The following PTPRN2 variants were observed in gnomAD, a reference collection of about 807,000 sequenced individuals.
PTPRN2 encodes protein tyrosine phosphatase receptor type N2, also known as receptor-type tyrosine-protein phosphatase N2.
In PTPRN2, 74 loss-of-function variants were observed where a neutral mutation model predicts 118.8. The observed-to-expected ratio is 0.62, with a 90% CI of 0.52 to 0.76. PTPRN2 has a LOEUF of 0.76. PTPRN2 is among the 30% of genes least tolerant of loss of function. The pLI is 0.00. For synonymous variants in PTPRN2, 641 were observed against 608.0 expected (o/e 1.05, Z -0.80); for missense variants, 1,481 against 1,394.4 (o/e 1.06, Z -0.99).
chr7:158,098,924 C>A (rs1003404006), intron 10 of PTPRN2, among the ~76,000 whole-genome samples: 5 of 151,840 alleles, frequency 3.3e-5, no homozygotes, highest in African/African-American at 9.7e-5. Context: ...TTGAGGGGAG[C>A]CGGGCTTCTC....
intron 2 of PTPRN2, among the ~76,000 whole-genome samples, chr7:158,332,305 ACACC>A (rs1804636941): frequency 2.2e-5 from 1 of 44,838 alleles, no homozygotes; most frequent in Non-Finnish European, 5.7e-5. Context: ...GACGTCACTC[ACACC>A]CACACTCTCA....
At chr7:157,832,314 C>T (rs528232921) in intron 12 of PTPRN2, among the ~76,000 whole-genome samples, 1 of 152,326 alleles carries the variant, frequency 6.6e-6, no homozygotes, top group South Asian at 2.1e-4. Flanking sequence ...TGTGGCTGCG[C>T]TCACACATTG....
chr7:158,042,715 T>C (rs924096182), intron 11 of PTPRN2, among the ~76,000 whole-genome samples: 3 of 152,030 alleles, frequency 2.0e-5, no homozygotes, highest in Non-Finnish European at 4.4e-5. Context: ...ATAGACACCA[T>C]AGTGAAGAAT....
intron 21 of PTPRN2, among the ~76,000 whole-genome samples, chr7:157,563,292 A>C (rs1275404035): frequency 6.1e-5 from 7 of 114,684 alleles, no homozygotes; most frequent in South Asian, 3.3e-4. Context: ...CACCACACAC[A>C]GCAGATCAGG....
At chr7:158,080,025 T>G (rs1461641296) in intron 11 of PTPRN2, among the ~76,000 whole-genome samples, 1 of 152,058 alleles carries the variant, frequency 6.6e-6, no homozygotes, top group African/African-American at 2.4e-5. Context: ...CCACAAATTC[T>G]CAGCCCCCTA....
chr7:157,992,621 C>G (rs1804335429), intron 11 of PTPRN2, among the ~76,000 whole-genome samples: 1 of 152,224 alleles, frequency 6.6e-6, no homozygotes, highest in Admixed American at 6.5e-5. Context: ...TGGAAAACAC[C>G]AGTGCACACA....
chr7:158,108,520 GC>G (rs1815884397), intron 10 of PTPRN2, among the ~76,000 whole-genome samples: 1 of 152,122 alleles, frequency 6.6e-6, no homozygotes, highest in Admixed American at 6.5e-5. Context: ...CATGTATGGA[GC>G]CCCCTGTCCC....
At chr7:158,442,678 G>T (rs1266622969) in intron 2 of PTPRN2, among the ~76,000 whole-genome samples, 1 of 152,210 alleles carries the variant, frequency 6.6e-6, no homozygotes, top group East Asian at 1.9e-4. Context: ...GTAAGGAGGT[G>T]ATTCTGATTT....
At chr7:158,101,339 T>C (rs1262687092) in intron 10 of PTPRN2, among the ~76,000 whole-genome samples, 7 of 152,116 alleles carry the variant, frequency 4.6e-5, no homozygotes, top group Admixed American at 3.3e-4. Context: ...TAAAACTGGA[T>C]CCTCATCTCT....
rs1804098544 is a variant in PTPRN2 at position 157,787,082 on chromosome 7, CGCGGGG to C, written c.1789-104151_1789-104146del. Among the ~76,000 whole-genome samples the C allele has an allele frequency of 9.1e-6, 1 of 109,292 alleles. No homozygotes were observed. The highest frequency in any genetic ancestry group is 1.9e-5 in the Non-Finnish European group (1 of 52,902). 71.7% of individuals were successfully genotyped at this position (109,292 alleles called of 152,430 possible). On this transcript the variant is annotated intron_variant, in intron 12 of 22. Transcript: ENST00000389418. This position sits in a 1 kb window ranked among gnomAD's most constrained non-coding sequence, Gnocchi z 5.3. ...AGGCGGACGCGGGTGCGGCGGGGGA[CGCGGGG>C]GTGGCTGCCCGGGAGGCGGACGCGG...
At position 157,611,848 on chromosome 7, in the gene PTPRN2, G is replaced by T. The variant is rs1052098402; in HGVS notation, c.2345-7773C>A. ...ACAGCCGCAGTCATGCTGGGGACAC[G>T]CGGAGGGAGAGCGCCCGTGTGAAGA... is the stretch of plus-strand genomic sequence containing the variant. On this transcript the variant is annotated intron_variant, in intron 15 of 22. Transcript: ENST00000389418. The surrounding 1 kb of genome is among the most constrained non-coding windows in gnomAD (Gnocchi z 5.9). 7.0e-6 allele frequency among the ~76,000 whole-genome samples: 1 copy of T among 142,746 alleles called. No homozygotes were observed. The highest frequency in any genetic ancestry group is 2.6e-5 in the African/African-American group (1 of 38,192). 93.6% of individuals were successfully genotyped at this position (142,746 alleles called of 152,430 possible).
In PTPRN2 at chr7:158,449,770, A is replaced by G. The variant is rs555818525; in HGVS notation, c.163+39965T>C. On this transcript the variant is annotated intron_variant, in intron 2 of 22. Transcript: ENST00000389418. ...GTTTCCCGCAGCCCCTGCACTGGTG[A>G]CCCTTAGTTCATTCACAATCGCATA... Among the ~76,000 whole-genome samples, 16 of 152,304 alleles carry G rather than the reference A, an allele frequency of 1.1e-4. No individual in the cohort carries two copies. In the East Asian group the frequency reaches 3.1e-3, roughly 29 times the overall value.
At chr7:157,916,100 T>G (rs1798378235) in intron 11 of PTPRN2, among the ~76,000 whole-genome samples, 1 of 152,252 alleles carries the variant, frequency 6.6e-6, no homozygotes, top group South Asian at 2.1e-4. Flanking sequence ...AATTATTCAG[T>G]GTTTTATGGA....
At position 158,157,772 on chromosome 7, in the gene PTPRN2, C is replaced by T. The variant is rs571970089; in HGVS notation, c.910+9159G>A. Among the ~76,000 whole-genome samples, 6 of 152,368 alleles carry T rather than the reference C, an allele frequency of 3.9e-5. No individual in the cohort carries two copies. The East Asian group carries it at 9.6e-4, about 24-fold the overall frequency. On this transcript the variant is annotated intron_variant, in intron 6 of 22. Transcript: ENST00000389418. ...ACCCCCCCAGCACCCCGGGTGCCCT[C>T]TCCTGCGCCTGCTCCCCTGGGAGAG... is the stretch of plus-strand genomic sequence containing the variant.
At chr7:157,848,872 C>T (rs1451203166) in intron 12 of PTPRN2, among the ~76,000 whole-genome samples, 5 of 152,236 alleles carry the variant, frequency 3.3e-5, no homozygotes, top group African/African-American at 9.6e-5. Context: ...CCAGGGAAGC[C>T]CCGTGTGCAC....
chr7:158,167,304 A>G lies in PTPRN2; in HGVS notation c.550-13T>C. On this transcript the variant is annotated splice_polypyrimidine_tract_variant and intron_variant, in intron 5 of 22. Transcript: ENST00000389418. ...AGCGGTCATCACCCTGAAGGAAAGG[A>G]GAGCAAAACAGAGCAAGAGTCACAT... The G allele has an allele frequency of 6.4e-7, 1 of 1,563,744 alleles. No individual in the cohort carries two copies. The highest frequency in any genetic ancestry group is 8.7e-7 in the Non-Finnish European group (1 of 1,155,792).
intron 2 of PTPRN2, among the ~76,000 whole-genome samples, chr7:158,392,640 G>A (rs1474729150): frequency 6.6e-6 from 1 of 152,156 alleles, no homozygotes; most frequent in Non-Finnish European, 1.5e-5. Flanking sequence ...AGGTGCTACA[G>A]AAACACATTG....
At chr7:158,300,214 A>C (rs1340024070) in intron 3 of PTPRN2, among the ~76,000 whole-genome samples, 1 of 152,158 alleles carries the variant, frequency 6.6e-6, no homozygotes, top group Non-Finnish European at 1.5e-5. Flanking sequence ...AAATGATTGT[A>C]ATTATGAGGG....
At chr7:157,950,227 A>C (rs1331593867) in intron 11 of PTPRN2, among the ~76,000 whole-genome samples, 1 of 152,212 alleles carries the variant, frequency 6.6e-6, no homozygotes, top group Non-Finnish European at 1.5e-5. Flanking sequence ...TGTAAGGGAA[A>C]GGGTCCAATT....
Sources: allele counts gnomAD v4.1 joint callset (sites outside exome capture counted in the v4.1 genomes callset), GRCh38; gene constraint gnomAD v4.1.1; non-coding constraint Gnocchi (gnomAD v3.1); transcripts MANE v1.5; gene names NCBI Gene and HGNC (gene_info 2026-07-23, HGNC 2026-07-21).